The following MORC1 variants were observed in gnomAD, a reference collection of about 807,000 sequenced individuals.
The protein encoded by MORC1 is MORC family CW-type zinc finger protein 1.
A neutral mutation model predicts 134.9 loss-of-function variants in MORC1; 59 were observed. That is an observed-to-expected ratio of 0.44 (90% CI 0.35 to 0.54). MORC1 has a LOEUF of 0.54. MORC1 is among the 20% of genes least tolerant of loss of function. The pLI, the probability that MORC1 is intolerant of heterozygous loss-of-function variation, is 0.00. For missense variants in MORC1, 947 were observed against 1,134.5 expected (o/e 0.83, Z 2.37); for synonymous variants, 395 against 391.7 (o/e 1.01, Z -0.10).
At chr3:109,083,516 A>G (rs1950562224) in intron 8 of MORC1, among the ~76,000 whole-genome samples, 2 of 152,174 alleles carry the variant, frequency 1.3e-5, no homozygotes, top group South Asian at 4.1e-4. Flanking sequence ...CACGCCTGTA[A>G]TAAGAAGGTG....
At chr3:109,061,429 A>C (rs1950081076) in intron 11 of MORC1, among the ~76,000 whole-genome samples, 1 of 152,200 alleles carries the variant, frequency 6.6e-6, no homozygotes, top group South Asian at 2.1e-4. Flanking sequence ...CATATTGTTA[A>C]GAATTACAAA....
intron 8 of MORC1, among the ~76,000 whole-genome samples, chr3:109,078,099 A>C (rs1398863173): frequency 6.6e-6 from 1 of 152,092 alleles, no homozygotes; most frequent in Admixed American, 6.6e-5. Context: ...AACTAGTAGA[A>C]ATACAAAATG....
chr3:109,113,119 T>C (rs1475640024), intron 2 of MORC1, among the ~76,000 whole-genome samples: 2 of 152,168 alleles, frequency 1.3e-5, no homozygotes, highest in South Asian at 4.1e-4. Context: ...GCCCATTCAG[T>C]AGGAGGCAGG....
At chr3:109,051,422 G>A (rs903288235) in intron 14 of MORC1, among the ~76,000 whole-genome samples, 1 of 152,198 alleles carries the variant, frequency 6.6e-6, no homozygotes, top group African/African-American at 2.4e-5. Context: ...GGTTATTCCT[G>A]TGGGAGTTAA....
chr3:109,020,714 G>A (rs545842055), intron 17 of MORC1, among the ~76,000 whole-genome samples: 14 of 147,120 alleles, frequency 9.5e-5, no homozygotes, highest in African/African-American at 1.8e-4. Flanking sequence ...GCAGTGAGCC[G>A]AGTTTGCGTC....
chr3:108,986,250 T>TA, intron 22 of MORC1, among the ~76,000 whole-genome samples: 1 of 152,254 alleles, frequency 6.6e-6, no homozygotes, highest in South Asian at 2.1e-4. Context: ...GAATGCATAA[T>TA]AAAAATTACA....
intron 21 of MORC1, among the ~76,000 whole-genome samples, chr3:108,997,000 ACT>A (rs1406636724): frequency 1.7e-5 from 2 of 116,310 alleles, no homozygotes; most frequent in East Asian, 2.3e-4. Flanking sequence ...ACAGAGCGAG[ACT>A]CTGTCTCAAA....
intron 8 of MORC1, among the ~76,000 whole-genome samples, chr3:109,070,222 G>T (rs1045937376): frequency 2.6e-5 from 4 of 151,886 alleles, no homozygotes; most frequent in African/African-American, 9.7e-5. Flanking sequence ...TCAAAATTAT[G>T]AACAAGAAAC....
intron 23 of MORC1, among the ~76,000 whole-genome samples, chr3:108,983,459 TA>T (rs1947807540): frequency 6.6e-6 from 1 of 152,154 alleles, no homozygotes; most frequent in Admixed American, 6.5e-5. Flanking sequence ...AACAGGATGA[TA>T]AAAGTGTGAC....
intron 21 of MORC1, 67 bp from the exon 22 acceptor site, chr3:108,987,016 A>AC: frequency 8.1e-7 from 1 of 1,242,032 alleles, no homozygotes; most frequent in South Asian, 1.8e-5. Flanking sequence ...TTGACAAAAG[A>AC]CCTTGAAAAG....
In MORC1 at chr3:109,110,615, A is replaced by G. The variant is rs572221521; in HGVS notation, c.154+134T>C. ...CCTCACCCTGGCTCCCCACAGGGTC[A>G]CTGTACCCACAAAGCACTTAGATTA... On this transcript the variant is annotated intron_variant, in intron 3 of 27. Coordinates refer to ENST00000232603, the MANE Select transcript of MORC1 (RefSeq NM_014429.4). The G allele has an allele frequency of 3.1e-4, 223 of 728,018 alleles. 1 individual carries two copies. In the Middle Eastern group the frequency reaches 3.8e-3, roughly 12 times the overall value. The allele number at this position is 728,018 out of a possible 1,614,324, so 45.1% of individuals were successfully genotyped here. A position where few individuals can be genotyped will look rare whatever the true frequency, so the allele number is the denominator to read the frequency against.
intron 17 of MORC1, among the ~76,000 whole-genome samples, chr3:109,010,872 T>C (rs972300346): frequency 2.1e-4 from 32 of 152,364 alleles, no homozygotes; most frequent in African/African-American, 7.7e-4. Flanking sequence ...TTCCACTGAA[T>C]GGACATGCCA....
chr3:109,066,615 A>G (rs2107698047), intron 9 of MORC1, among the ~76,000 whole-genome samples: 1 of 152,310 alleles, frequency 6.6e-6, no homozygotes, highest in East Asian at 1.9e-4. Context: ...CTTTTGCCAA[A>G]TGTCCAATGC....
chr3:109,094,867 A>G, intron 7 of MORC1, 42 bp downstream of exon 7: 1 of 1,512,926 alleles, frequency 6.6e-7, no homozygotes, highest in Non-Finnish European at 8.8e-7. Flanking sequence ...GACACTGAAA[A>G]CAAATACTTC....
chr3:109,019,692 TAAC>T, intron 17 of MORC1, among the ~76,000 whole-genome samples: 1 of 152,220 alleles, frequency 6.6e-6, no homozygotes, highest in East Asian at 1.9e-4. Flanking sequence ...ATAGGAATCA[TAAC>T]AATCATAGCA....
Position 108,971,417 on chromosome 3 carries a change from A to T in MORC1, c.2478-15T>A. Reference sequence around the variant, plus strand: ...GAAGAATCTCCCTAGGAATACAAGCACAGCAGATATGGGAATATACTAGGA... The same window carrying T: ...GAAGAATCTCCCTAGGAATACAAGCTCAGCAGATATGGGAATATACTAGGA... On this transcript the variant is annotated splice_polypyrimidine_tract_variant and intron_variant, in intron 24 of 27. Coordinates refer to ENST00000232603, the MANE Select transcript of MORC1 (RefSeq NM_014429.4). 6.2e-7 allele frequency: 1 copy of T among 1,604,896 alleles called. No individual in the cohort carries two copies. The highest frequency in any genetic ancestry group is 8.5e-7 in the Non-Finnish European group (1 of 1,172,022).
chr3:109,027,671 C>A, intron 17 of MORC1, 80 bp downstream of exon 17: 1 of 1,547,712 alleles, frequency 6.5e-7, no homozygotes. Flanking sequence ...ATTGTGTAAA[C>A]CACTTTAGTC....
intron 21 of MORC1, among the ~76,000 whole-genome samples, chr3:108,989,440 C>T (rs534419529): frequency 1.3e-5 from 2 of 152,118 alleles, no homozygotes; most frequent in East Asian, 1.9e-4. Context: ...GTCAGTTCTC[C>T]AAGGGATGTG....
At chr3:109,024,674 T>C (rs376433217) in intron 17 of MORC1, among the ~76,000 whole-genome samples, 69 of 152,134 alleles carry the variant, frequency 4.5e-4, no homozygotes, top group South Asian at 4.1e-4. Flanking sequence ...GGGAGTGGGA[T>C]GGAGGAAGAG....
Sources: gnomAD v4.1 joint callset for allele counts (sites outside exome capture counted in the v4.1 genomes callset) on GRCh38, gnomAD v4.1.1 for gene constraint, MANE v1.5 for transcripts, NCBI Gene and HGNC (gene_info 2026-07-23, HGNC 2026-07-21) for gene names.